CNOT6: variants seen among roughly 807,000 people sequenced by gnomAD.
CNOT6 encodes the protein CCR4-NOT transcription complex subunit 6, also known as carbon catabolite repression 4 protein.
A neutral mutation model predicts 61.2 loss-of-function variants in CNOT6; 12 were observed. The observed-to-expected ratio is 0.20, with a 90% CI of 0.13 to 0.32. The LOEUF (loss-of-function observed/expected upper bound fraction) is 0.32, where lower values mean the gene tolerates loss of function less well. Among genes scored for constraint, CNOT6 ranks in the 10% least tolerant of loss-of-function variants. The pLI, the probability that CNOT6 is intolerant of heterozygous loss-of-function variation, is 1.00. For missense variants in CNOT6, 405 were observed against 663.9 expected, an observed-to-expected ratio of 0.61 and a Z score of 4.28; for synonymous variants, 225 against 240.6, an observed-to-expected ratio of 0.94 and a Z score of 0.60.
chr5:180,566,516 A>G (rs904552546), intron 7 of CNOT6, among the ~76,000 whole-genome samples: 2 of 152,184 alleles, frequency 1.3e-5, no homozygotes, highest in Non-Finnish European at 2.9e-5. Flanking sequence ...ATACACATGC[A>G]TAGAAGTGTG....
At position 180,562,664 on chromosome 5, in the gene CNOT6, C is replaced by T. The variant is rs78049178; in HGVS notation, c.386-1825C>T. On this transcript the variant is annotated intron_variant, in intron 4 of 11. Transcript: ENST00000261951. ...CTGAGGCAGGAGAATGGCGTGAACC[C>T]GGGAGGCGGAGCTTGCGGTGAGCCG... Among the ~76,000 whole-genome samples the T allele has an allele frequency of 6.9e-3, 1,048 of 152,034 alleles. 34 individuals carry two copies. In the East Asian group the frequency reaches 0.11, roughly 16 times the overall value.
At chr5:180,531,433 C>T (rs867409796) in intron 2 of CNOT6, among the ~76,000 whole-genome samples, 85 of 151,780 alleles carry the variant, frequency 5.6e-4, no homozygotes, top group Middle Eastern at 6.8e-3. Context: ...GATGGGCGGC[C>T]GGGCAGAGAC....
intron 3 of CNOT6, among the ~76,000 whole-genome samples, chr5:180,550,639 G>A (rs1209095083): frequency 6.6e-6 from 1 of 152,116 alleles, no homozygotes; most frequent in Non-Finnish European, 1.5e-5. Context: ...TGTATTTTGT[G>A]TAATAGACTT....
chr5:180,549,596 C>G (rs1367278727), intron 2 of CNOT6, among the ~76,000 whole-genome samples: 1 of 151,982 alleles, frequency 6.6e-6, no homozygotes, highest in African/African-American at 2.4e-5. Flanking sequence ...TTGCAGTGAG[C>G]CCAGATCACG....
At chr5:180,543,081 C>T (rs755760345) in intron 2 of CNOT6, among the ~76,000 whole-genome samples, 8 of 151,914 alleles carry the variant, frequency 5.3e-5, no homozygotes, top group Non-Finnish European at 7.4e-5. Flanking sequence ...ATTTTTGAGA[C>T]GGAGTCTCAC....
rs548045986 is a variant in CNOT6, at chr5:180,537,800, C to G, written c.112+8412C>G. Among the ~76,000 whole-genome samples, 457 of 71,588 alleles carry G rather than the reference C, an allele frequency of 6.4e-3. 3 individuals are homozygous for G. The highest frequency in any genetic ancestry group is 0.02 in the African/African-American group (439 of 22,338). 47.0% of individuals were successfully genotyped at this position (71,588 alleles called of 152,430 possible). A position where few individuals can be genotyped will look rare whatever the true frequency, so the allele number is the denominator to read the frequency against. ...TTTAGTTAGATTTATTCCTCTTTCT[C>G]TCTCTTTTTTTTTTTTTTGGTGTAA... On this transcript the variant is annotated intron_variant, in intron 2 of 11. Transcript: ENST00000261951.
intron 1 of CNOT6, among the ~76,000 whole-genome samples, chr5:180,516,967 A>G (rs1272507164): frequency 6.6e-6 from 1 of 152,212 alleles, no homozygotes. Context: ...AGACCCCAAT[A>G]TCTGGTTCTT....
At chr5:180,567,748 C>G (rs1407465397) in intron 8 of CNOT6, 101 bp from the exon 9 acceptor site, 1 of 1,499,264 alleles carries the variant, frequency 6.7e-7, no homozygotes, top group African/African-American at 1.4e-5. Flanking sequence ...TAAGTGCCAT[C>G]GTATCTGTTA....
chr5:180,519,565 A>C (rs898502785), intron 1 of CNOT6, among the ~76,000 whole-genome samples: 3 of 152,204 alleles, frequency 2.0e-5, no homozygotes, highest in Non-Finnish European at 4.4e-5. Context: ...GTACATGTAC[A>C]CCTTAAATGT....
At position 180,569,387 on chromosome 5, in the gene CNOT6, T is replaced by A. The variant is rs865882494; in HGVS notation, c.1258+47T>A. On this transcript the variant is annotated intron_variant, in intron 10 of 11. Coordinates refer to ENST00000261951, the MANE Select transcript of CNOT6 (RefSeq NM_001370472.1). Reference sequence around the variant, plus strand: ...ATGTAGAATATTTTTTGACATAAGATGATTTAGTAATGTTTTGTTTCTGAT... The same window carrying A: ...ATGTAGAATATTTTTTGACATAAGAAGATTTAGTAATGTTTTGTTTCTGAT... 4 of 1,388,698 alleles carry A rather than the reference T, an allele frequency of 2.9e-6. No homozygotes were observed. The Middle Eastern group carries it at 5.8e-4, about 201-fold the overall frequency. 86.0% of individuals were successfully genotyped at this position (1,388,698 alleles called of 1,614,324 possible). A position where few individuals can be genotyped will look rare whatever the true frequency, so the allele number is the denominator to read the frequency against.
intron 1 of CNOT6, among the ~76,000 whole-genome samples, chr5:180,511,954 C>A (rs1388620629): frequency 6.6e-6 from 1 of 152,162 alleles, no homozygotes; most frequent in Non-Finnish European, 1.5e-5. Context: ...TTCCTTCTTC[C>A]CTTTCCATCA....
chr5:180,528,283 GATAA>G (rs1181256366), intron 1 of CNOT6, among the ~76,000 whole-genome samples: 6 of 152,120 alleles, frequency 3.9e-5, no homozygotes. Context: ...AGAAATGCAG[GATAA>G]ATGTTTGATT....
intron 4 of CNOT6, among the ~76,000 whole-genome samples, chr5:180,556,129 A>G (rs1759877147): frequency 6.6e-6 from 1 of 152,236 alleles, no homozygotes; most frequent in Non-Finnish European, 1.5e-5. Context: ...TCGTACATAG[A>G]ACAGTCAAGA....
intron 1 of CNOT6, among the ~76,000 whole-genome samples, chr5:180,504,863 A>T (rs1757049353): frequency 6.6e-6 from 1 of 152,046 alleles, no homozygotes; most frequent in African/African-American, 2.4e-5. Context: ...AAGAGTTCAT[A>T]AATATTTTTT....
In CNOT6 at chr5:180,567,222, A is replaced by G. The variant is rs770002480; in HGVS notation, c.852A>G (p.Ala284=). 3.1e-6 allele frequency: 5 copies of G among 1,605,520 alleles called. No individual in the cohort carries two copies. The highest frequency in any genetic ancestry group is 4.2e-6 in the Non-Finnish European group (5 of 1,177,946). Residue 284 remains alanine (A), a synonymous_variant, in exon 8 of 12, where the codon GCA becomes GCG. Transcript: ENST00000261951. ...EQERKHVDGC[A]IFFKTEKFTL... ...AAAGGAAACATGTTGATGGCTGTGC[A>G]ATATTCTTCAAGACAGAAAAGTAAG...
At chr5:180,545,231 C>G (rs980870365) in intron 2 of CNOT6, among the ~76,000 whole-genome samples, 1 of 151,984 alleles carries the variant, frequency 6.6e-6, no homozygotes, top group Non-Finnish European at 1.5e-5. Flanking sequence ...CTGTGTACAC[C>G]CGTGAAACCA....
intron 1 of CNOT6, among the ~76,000 whole-genome samples, chr5:180,526,069 G>C (rs1012480488): frequency 6.6e-6 from 1 of 152,308 alleles, no homozygotes; most frequent in East Asian, 1.9e-4. Context: ...AAGCCGTTGG[G>C]GTTATAGGCG....
At chr5:180,552,612 C>G (rs1320724796) in intron 3 of CNOT6, among the ~76,000 whole-genome samples, 2 of 150,748 alleles carry the variant, frequency 1.3e-5, no homozygotes, top group Non-Finnish European at 1.5e-5. Flanking sequence ...CATCACTGCA[C>G]TCCAGCCTGG....
intron 11 of CNOT6, 29 bp downstream of exon 11, chr5:180,571,461 A>G (rs570510597): frequency 3.2e-6 from 5 of 1,550,814 alleles, no homozygotes; most frequent in Non-Finnish European, 4.5e-6. Flanking sequence ...AAGCTTTTCA[A>G]ACCTGTCTTT....
Sources: allele counts gnomAD v4.1 joint callset (sites outside exome capture counted in the v4.1 genomes callset), GRCh38; gene constraint gnomAD v4.1.1; transcripts MANE v1.5; gene names NCBI Gene and HGNC (gene_info 2026-07-23, HGNC 2026-07-21).